The following SLCO1B3 variants were observed in gnomAD, a reference collection of about 807,000 sequenced individuals.
The protein encoded by SLCO1B3 is solute carrier organic anion transporter family member 1B3, also known as liver-specific organic anion transporter 2.
In SLCO1B3, 72 loss-of-function variants were observed where a neutral mutation model predicts 71.8. The observed-to-expected ratio is 1.00, with a 90% CI of 0.83 to 1.22. The LOEUF (loss-of-function observed/expected upper bound fraction) is 1.22. SLCO1B3 is among the 50% of genes most tolerant of loss of function. The pLI is 0.00. For missense variants in SLCO1B3, 911 were observed against 819.7 expected, an observed-to-expected ratio of 1.11 and a Z score of -1.36; for synonymous variants, 298 against 278.4, an observed-to-expected ratio of 1.07 and a Z score of -0.70.
chr12:20,883,880 C>G (rs977826338), intron 13 of SLCO1B3, among the ~76,000 whole-genome samples: 4 of 152,074 alleles, frequency 2.6e-5, no homozygotes, highest in African/African-American at 9.7e-5. Flanking sequence ...GTAGGAGAAT[C>G]TTTGTGTGAT....
chr12:20,916,104 A>G lies in SLCO1B3; in HGVS notation c.1966A>G (p.Thr656Ala). 1 of 1,613,522 alleles carries G rather than the reference A, an allele frequency of 6.2e-7. No individual in the cohort carries two copies. Among genetic ancestry groups the G allele is most frequent in the Non-Finnish European group, 8.5e-7 (1 of 1,179,610 alleles). Residue 656 changes from threonine to alanine, a missense_variant, in exon 16 of 16, where the codon ACC becomes GCC. By Grantham distance (58) the Thr-to-Ala change is moderately conservative. Transcript: ENST00000381545. The stretch of plus-strand genomic sequence containing the variant: ...GAAGAAAAAATTTCAAGGAAAAGAT[A>G]CCAAGGCATCGGACAATGAAAGAAA... Reference protein sequence around the residue: ...AMKKKFQGKDTKASDNERKVM... With the variant: ...AMKKKFQGKDAKASDNERKVM...
intron 8 of SLCO1B3, among the ~76,000 whole-genome samples, chr12:20,870,344 C>A (rs1310626512): frequency 6.6e-6 from 1 of 152,130 alleles, no homozygotes; most frequent in South Asian, 2.1e-4. Flanking sequence ...TTGACCAGTT[C>A]CATTTGTCTA....
chr12:20,830,168 C>A (rs552618061), intron 3 of SLCO1B3, among the ~76,000 whole-genome samples: 2 of 152,286 alleles, frequency 1.3e-5, no homozygotes, highest in African/African-American at 4.8e-5. Context: ...CAAGCTTGCA[C>A]CTGGCGCCCG....
At chr12:20,845,204 C>A in intron 3 of SLCO1B3, 1 of 467,102 alleles carries the variant, frequency 2.1e-6, no homozygotes, top group Non-Finnish European at 4.3e-6. Context: ...AGAAGCAGAT[C>A]TACACATACT....
intron 3 of SLCO1B3, among the ~76,000 whole-genome samples, chr12:20,824,417 T>G (rs1864380757): frequency 6.6e-6 from 1 of 152,170 alleles, no homozygotes; most frequent in African/African-American, 2.4e-5. Context: ...TATCAAAAAC[T>G]TATTTTTTAG....
At chr12:20,818,068 T>C (rs1039203007) in intron 3 of SLCO1B3, among the ~76,000 whole-genome samples, 2 of 152,040 alleles carry the variant, frequency 1.3e-5, no homozygotes, top group South Asian at 2.1e-4. Flanking sequence ...AAAAGTTTTT[T>C]TGGGGCACAG....
chr12:20,847,596 C>A (rs1864943566), intron 3 of SLCO1B3, among the ~76,000 whole-genome samples: 2 of 151,946 alleles, frequency 1.3e-5, no homozygotes, highest in African/African-American at 4.8e-5. Context: ...TTATAGCAGC[C>A]TGAACTAAAA....
chr12:20,878,625 A>C (rs1865629821), intron 10 of SLCO1B3, among the ~76,000 whole-genome samples: 1 of 152,194 alleles, frequency 6.6e-6, no homozygotes, highest in Non-Finnish European at 1.5e-5. Flanking sequence ...AATAATTAGA[A>C]AATGAATGTA....
In SLCO1B3 at chr12:20,858,442, A is replaced by G. The variant is rs749607240; in HGVS notation, c.230A>G (p.Asn77Ser). The stretch of plus-strand genomic sequence containing the variant: ...CATAATTTTGTTTTTTTTCTAGGAA[A>G]TTTGCTTGTGATTGTATTTGTAAGT... ...GLIDGSFEIG[N>S]LLVIVFVSYF... is the part of the protein sequence containing the mutation. Residue 77 changes from asparagine to serine, a missense_variant, in exon 5 of 16, where the codon AAT becomes AGT. Asn to Ser is a conservative substitution (Grantham distance 46). Coordinates refer to ENST00000381545, the MANE Select transcript of SLCO1B3 (RefSeq NM_019844.4). The G allele has an allele frequency of 3.8e-6, 6 of 1,583,624 alleles. No homozygotes were observed. In the South Asian group the frequency reaches 6.7e-5, roughly 18 times the overall value.
intron 14 of SLCO1B3, among the ~76,000 whole-genome samples, chr12:20,899,192 C>A (rs2120370040): frequency 6.6e-6 from 1 of 152,256 alleles, no homozygotes; most frequent in Admixed American, 6.5e-5. Context: ...AGGAAATGAA[C>A]CTTTGTCCCT....
At chr12:20,897,575 A>G (rs1866038345) in intron 13 of SLCO1B3, among the ~76,000 whole-genome samples, 1 of 152,234 alleles carries the variant, frequency 6.6e-6, no homozygotes, top group African/African-American at 2.4e-5. Context: ...CTAGCATGGT[A>G]TCTCTTAGTA....
intron 15 of SLCO1B3, chr12:20,901,814 C>A: frequency 2.7e-6 from 1 of 374,862 alleles, no homozygotes. Context: ...TCCAGGAAGA[C>A]ACAGAATGAC....
At chr12:20,854,193 A>G (rs1317739135) in intron 3 of SLCO1B3, among the ~76,000 whole-genome samples, 7 of 152,060 alleles carry the variant, frequency 4.6e-5, no homozygotes, top group African/African-American at 1.7e-4. Flanking sequence ...TTTGATAGAG[A>G]GTGCTCTATT....
intron 3 of SLCO1B3, among the ~76,000 whole-genome samples, chr12:20,837,658 A>G (rs546159952): frequency 6.6e-5 from 10 of 152,156 alleles, no homozygotes; most frequent in African/African-American, 2.2e-4. Flanking sequence ...CTTTAATTCT[A>G]TTGTTGTCTG....
intron 4 of SLCO1B3, among the ~76,000 whole-genome samples, chr12:20,856,531 A>T (rs971073506): frequency 6.6e-6 from 1 of 152,120 alleles, no homozygotes; most frequent in African/African-American, 2.4e-5. Flanking sequence ...GAGGATGTTG[A>T]TAGGTTTTAT....
intron 3 of SLCO1B3, among the ~76,000 whole-genome samples, chr12:20,847,753 C>G (rs2121197033): frequency 6.6e-6 from 1 of 151,324 alleles, no homozygotes; most frequent in African/African-American, 2.4e-5. Context: ...TGTCATATAC[C>G]ATCAGGTGAA....
At chr12:20,828,341 G>A (rs901821728) in intron 3 of SLCO1B3, among the ~76,000 whole-genome samples, 6 of 150,466 alleles carry the variant, frequency 4.0e-5, no homozygotes, top group African/African-American at 9.7e-5. Flanking sequence ...ACAAAAACAG[G>A]CATTAAGAAC....
intron 11 of SLCO1B3, among the ~76,000 whole-genome samples, 162 bp from the exon 12 acceptor site, chr12:20,880,693 C>G (rs1865672905): frequency 6.6e-6 from 1 of 152,076 alleles, no homozygotes; most frequent in African/African-American, 2.4e-5. Context: ...TCAAATTTCT[C>G]TATCTAATTA....
chr12:20,840,880 C>T (rs1470895695), intron 3 of SLCO1B3, among the ~76,000 whole-genome samples: 3 of 152,072 alleles, frequency 2.0e-5, no homozygotes, highest in Non-Finnish European at 2.9e-5. Context: ...AAACAAAGTG[C>T]TCTGGCCTAT....
Sources: gnomAD v4.1 joint callset for allele counts (sites outside exome capture counted in the v4.1 genomes callset) on GRCh38, gnomAD v4.1.1 for gene constraint, MANE v1.5 for transcripts, NCBI Gene and HGNC (gene_info 2026-07-23, HGNC 2026-07-21) for gene names.